Variants in CNTN4 observed in about 807,000 individuals in gnomAD.
CNTN4 encodes contactin-4.
A neutral mutation model predicts 122.5 loss-of-function variants in CNTN4; 77 were observed. The ratio of observed to expected loss-of-function variants is 0.63; its 90% CI spans 0.52 to 0.76. CNTN4 has a LOEUF of 0.76. Ranked by LOEUF, CNTN4 falls within the 30% of genes least tolerant of loss-of-function variation. CNTN4 has a pLI of 0.00. For missense variants in CNTN4, 1,256 were observed against 1,259.1 expected (o/e 1.00, Z 0.04); for synonymous variants, 512 against 447.0 (o/e 1.15, Z -1.83).
intron 6 of CNTN4, among the ~76,000 whole-genome samples, chr3:2,787,558 G>T (rs575841804): frequency 4.6e-5 from 7 of 152,314 alleles, no homozygotes; most frequent in Admixed American, 1.3e-4. Context: ...AATAGAGGAA[G>T]AAGAATCCTG....
At chr3:2,509,308 C>T (rs1315979288) in intron 3 of CNTN4, among the ~76,000 whole-genome samples, 1 of 151,972 alleles carries the variant, frequency 6.6e-6, no homozygotes, top group African/African-American at 2.4e-5. Flanking sequence ...AAAAAATAAC[C>T]AACATGAAAT....
rs139938733 is a variant in CNTN4 at position 2,508,222 on chromosome 3, G to A, written c.-88-63194G>A. 4.6e-4 allele frequency among the ~76,000 whole-genome samples: 70 copies of A among 152,222 alleles called. 1 individual carries two copies. The highest frequency in any genetic ancestry group is 1.5e-3 in the African/African-American group (62 of 41,544). On this transcript the variant is annotated intron_variant, in intron 3 of 24. Transcript: ENST00000418658. ...GGTTGGAAAAGAAGGTTCAATCATT[G>A]CTGCATAGATTATCATTCCAGTAGG...
chr3:2,440,687 T>C (rs897752248), intron 3 of CNTN4, among the ~76,000 whole-genome samples: 2 of 151,730 alleles, frequency 1.3e-5, no homozygotes, highest in South Asian at 2.1e-4. Context: ...TTCACACATA[T>C]ACGTATATAT....
At chr3:2,406,323 G>T (rs1472494517) in intron 3 of CNTN4, among the ~76,000 whole-genome samples, 1 of 152,150 alleles carries the variant, frequency 6.6e-6, no homozygotes, top group African/African-American at 2.4e-5. Flanking sequence ...CAGTTCTGTG[G>T]TTTCTTGTGA....
At chr3:2,280,803 C>A (rs1431288059) in intron 2 of CNTN4, among the ~76,000 whole-genome samples, 1 of 152,092 alleles carries the variant, frequency 6.6e-6, no homozygotes, top group Non-Finnish European at 1.5e-5. Context: ...GCCTCAACAC[C>A]AGTTAAATTA....
At chr3:2,422,205 C>G (rs2047644485) in intron 3 of CNTN4, among the ~76,000 whole-genome samples, 1 of 152,212 alleles carries the variant, frequency 6.6e-6, no homozygotes, top group Non-Finnish European at 1.5e-5. Flanking sequence ...TTTCTGAAGT[C>G]AATTTGTGTT....
intron 3 of CNTN4, among the ~76,000 whole-genome samples, chr3:2,538,767 A>C (rs1425345263): frequency 6.6e-6 from 1 of 151,984 alleles, no homozygotes; most frequent in Admixed American, 6.6e-5. Context: ...TCCTAATGGC[A>C]GTTATTTTTC....
At chr3:2,541,943 T>G (rs2078047656) in intron 3 of CNTN4, among the ~76,000 whole-genome samples, 1 of 152,120 alleles carries the variant, frequency 6.6e-6, no homozygotes. Context: ...TAAAAGGCAC[T>G]GCACAGGTGT....
At position 2,704,995 on chromosome 3, in the gene CNTN4, G is replaced by A. The variant is rs138045769; in HGVS notation, c.56-31220G>A. ...ATTTAATCTGAGTCCTCAAGAAAGT[G>A]TTGCAATTTAAATATATATAGACAG... On this transcript the variant is annotated intron_variant, in intron 4 of 24. Coordinates refer to ENST00000418658, the MANE Select transcript of CNTN4 (RefSeq NM_175607.3). Among the ~76,000 whole-genome samples the A allele has an allele frequency of 6.5e-3, 990 of 152,066 alleles. 6 individuals carry two copies. Among genetic ancestry groups the A allele is most frequent in the Middle Eastern group, 0.041 (12 of 294 alleles).
At chr3:2,892,206 CTGGGTCTCGTTCTATGTTCCCAG>C (rs1450173819) in intron 10 of CNTN4, 8 of 152,208 alleles carry the variant, frequency 5.3e-5, no homozygotes, top group African/African-American at 1.2e-4. Context: ...ACACAGAATT[CTGGGTCTCGTTCTATGTTCCCAG>C]TGGGAACATA....
At chr3:2,597,272 G>A (rs149251400) in intron 4 of CNTN4, among the ~76,000 whole-genome samples, 7 of 152,194 alleles carry the variant, frequency 4.6e-5, no homozygotes, top group East Asian at 3.9e-4. Context: ...CCAGTACTTC[G>A]TTAGAAATTT....
At chr3:3,037,473 AG>A in intron 18 of CNTN4, 145 bp downstream of exon 18, 1 of 1,179,784 alleles carries the variant, frequency 8.5e-7, no homozygotes, top group South Asian at 1.2e-5. Flanking sequence ...GATAGAAATC[AG>A]GCCAGGAGAA....
At chr3:3,054,041 C>T in intron 24 of CNTN4, 66 bp downstream of exon 24, 1 of 1,537,972 alleles carries the variant, frequency 6.5e-7, no homozygotes, top group Non-Finnish European at 9.0e-7. Flanking sequence ...CCAGATGAGT[C>T]AGGGCTTGAA....
intron 4 of CNTN4, among the ~76,000 whole-genome samples, chr3:2,677,480 CTA>C (rs760561452): frequency 7.7e-5 from 2 of 25,826 alleles, no homozygotes; most frequent in Non-Finnish European, 1.5e-4. Context: ...ATCTATCCAT[CTA>C]TATCTATCTA....
chr3:2,186,943 T>C (rs1195453004), intron 2 of CNTN4, among the ~76,000 whole-genome samples: 2 of 152,242 alleles, frequency 1.3e-5, no homozygotes, highest in Non-Finnish European at 2.9e-5. Context: ...AGATCTCATT[T>C]GTCAATTTTG....
chr3:3,031,124 A>G, intron 16 of CNTN4, 149 bp downstream of exon 16: 4 of 1,043,764 alleles, frequency 3.8e-6, no homozygotes, highest in Non-Finnish European at 5.8e-6. Flanking sequence ...AGTCCACAGA[A>G]GTTTCTGGTT....
intron 4 of CNTN4, among the ~76,000 whole-genome samples, chr3:2,681,072 G>T (rs1390176217): frequency 2.0e-5 from 3 of 152,152 alleles, no homozygotes; most frequent in African/African-American, 7.2e-5. Context: ...AAATTATTTA[G>T]ACTCTAATGG....
chr3:2,931,075 C>G (rs115923007), intron 13 of CNTN4, among the ~76,000 whole-genome samples: 2,049 of 152,228 alleles, frequency 0.013, 20 homozygotes, highest in Middle Eastern at 0.024. Flanking sequence ...CATATGCATG[C>G]TACAGAAAAA....
Position 2,287,711 on chromosome 3 carries a change from GGAAGAAGAAGAAGAA to G in CNTN4, c.-144-51414_-144-51400del, listed in dbSNP as rs56014308. Among the ~76,000 whole-genome samples, 532 of 65,402 alleles carry G rather than the reference GGAAGAAGAAGAAGAA, an allele frequency of 8.1e-3. 10 individuals carry two copies. The highest frequency in any genetic ancestry group is 0.016 in the African/African-American group (262 of 16,402). 42.9% of individuals were successfully genotyped at this position (65,402 alleles called of 152,430 possible). ...AAGAAGAGGAAGAAGAAGAAGAAGA[GGAAGAAGAAGAAGAA>G]GAAGAAGAAGAAGAAGAAGAAGAAG... is the stretch of plus-strand genomic sequence containing the variant. On this transcript the variant is annotated intron_variant, in intron 2 of 24. Coordinates refer to ENST00000418658, the MANE Select transcript of CNTN4 (RefSeq NM_175607.3).
Sources: gnomAD v4.1 joint callset for allele counts (sites outside exome capture counted in the v4.1 genomes callset) on GRCh38, gnomAD v4.1.1 for gene constraint, MANE v1.5 for transcripts, NCBI Gene and HGNC (gene_info 2026-07-23, HGNC 2026-07-21) for gene names.